ARHGAP26: variants seen among roughly 807,000 people sequenced by gnomAD.
The protein encoded by ARHGAP26 is Rho GTPase activating protein 26.
A neutral mutation model predicts 104.8 loss-of-function variants in ARHGAP26; 38 were observed. The observed-to-expected ratio is 0.36, with a 90% CI of 0.28 to 0.48. The LOEUF (loss-of-function observed/expected upper bound fraction) is 0.48, where lower values mean the gene tolerates loss of function less well. Ranked by LOEUF, ARHGAP26 falls within the 20% of genes least tolerant of loss-of-function variation. The pLI is 0.99. For synonymous variants in ARHGAP26, 341 were observed against 340.0 expected (o/e 1.00, Z -0.03); for missense variants, 704 against 947.9 (o/e 0.74, Z 3.38).
chr5:142,770,580 C>T lies in ARHGAP26; in HGVS notation c.-182C>T. The T allele has an allele frequency of 3.6e-6, 1 of 274,168 alleles. No homozygotes were observed. Among genetic ancestry groups the T allele is most frequent in the Non-Finnish European group, 5.9e-6 (1 of 168,274 alleles). 17.0% of individuals were successfully genotyped at this position (274,168 alleles called of 1,614,324 possible). Reference sequence around the variant, plus strand: ...GGAACAGCAGCACCTCGGCCGGGTCCGAGCTCGGTTCGGGAGTCTTGCGCG... The same window carrying T: ...GGAACAGCAGCACCTCGGCCGGGTCTGAGCTCGGTTCGGGAGTCTTGCGCG... On this transcript the variant is annotated 5_prime_UTR_variant, in exon 1 of 23. Coordinates refer to ENST00000645722, the MANE Select transcript of ARHGAP26 (RefSeq NM_001135608.3).
chr5:142,783,847 A>G (rs911621190), intron 1 of ARHGAP26, among the ~76,000 whole-genome samples: 4 of 152,194 alleles, frequency 2.6e-5, no homozygotes, highest in Non-Finnish European at 4.4e-5. Context: ...TGCTCTTCCA[A>G]AAATAAGGTT....
intron 1 of ARHGAP26, among the ~76,000 whole-genome samples, chr5:142,853,008 T>C (rs1187208322): frequency 1.3e-5 from 2 of 152,128 alleles, no homozygotes; most frequent in African/African-American, 4.8e-5. Flanking sequence ...AGCTTGCCTT[T>C]ATCGAGCTCC....
At chr5:143,018,891 G>A (rs532528618) in intron 12 of ARHGAP26, among the ~76,000 whole-genome samples, 26 of 152,148 alleles carry the variant, frequency 1.7e-4, no homozygotes, top group Non-Finnish European at 3.7e-4. Context: ...CTTTGCGAGT[G>A]CATTGAATCA....
At chr5:143,193,230 A>C (rs1306408704) in intron 20 of ARHGAP26, among the ~76,000 whole-genome samples, 5 of 79,472 alleles carry the variant, frequency 6.3e-5, no homozygotes, top group African/African-American at 2.2e-4. Context: ...TACAGTGCTT[A>C]TTTTCTTTTC....
At chr5:143,076,647 AC>A (rs1789075791) in intron 17 of ARHGAP26, among the ~76,000 whole-genome samples, 1 of 152,188 alleles carries the variant, frequency 6.6e-6, no homozygotes, top group Non-Finnish European at 1.5e-5. Context: ...TTTAGCATAT[AC>A]CCTTTTGAAC....
At chr5:142,838,547 T>A (rs866977705) in intron 1 of ARHGAP26, among the ~76,000 whole-genome samples, 1 of 152,246 alleles carries the variant, frequency 6.6e-6, no homozygotes, top group South Asian at 2.1e-4. Context: ...GTTGTTGAAC[T>A]TCTCTGAGTT....
intron 21 of ARHGAP26, 25 bp from the exon 22 acceptor site, chr5:143,213,972 T>G: frequency 6.7e-7 from 1 of 1,489,814 alleles, no homozygotes; most frequent in Non-Finnish European, 9.3e-7. Flanking sequence ...TCAAAAATGT[T>G]AAATAAACTC....
chr5:143,053,846 A>G (rs2398565), intron 14 of ARHGAP26, among the ~76,000 whole-genome samples: 5,945 of 152,336 alleles, frequency 0.039, 158 homozygotes, highest in South Asian at 0.12. Flanking sequence ...AAAGTTTCTC[A>G]TAGACATATC....
At chr5:142,934,915 G>A (rs1224063638) in intron 11 of ARHGAP26, among the ~76,000 whole-genome samples, 2 of 152,040 alleles carry the variant, frequency 1.3e-5, no homozygotes, top group East Asian at 1.9e-4. Context: ...ATTTTTAAAT[G>A]TTAAATTTAG....
intron 14 of ARHGAP26, among the ~76,000 whole-genome samples, chr5:143,048,302 C>T (rs912800084): frequency 2.9e-4 from 44 of 151,946 alleles, no homozygotes; most frequent in African/African-American, 1.1e-3. Context: ...ACTCTTTCAC[C>T]CACGCTGGAA....
intron 17 of ARHGAP26, among the ~76,000 whole-genome samples, chr5:143,091,201 G>C (rs145740105): frequency 6.6e-6 from 1 of 152,180 alleles, no homozygotes; most frequent in Non-Finnish European, 1.5e-5. Context: ...GAGTCCATCC[G>C]CTTTCCGCTG....
intron 11 of ARHGAP26, among the ~76,000 whole-genome samples, chr5:142,992,932 A>G (rs1775834023): frequency 6.6e-6 from 1 of 152,176 alleles, no homozygotes; most frequent in Non-Finnish European, 1.5e-5. Context: ...ACAGATGGCA[A>G]TTTACTCTTT....
chr5:143,002,329 G>C (rs1598576848), intron 11 of ARHGAP26, among the ~76,000 whole-genome samples: 2 of 148,372 alleles, frequency 1.3e-5, no homozygotes, highest in Admixed American at 1.3e-4. Flanking sequence ...AAAAGAGCAA[G>C]GTTCTCTCTT....
chr5:142,948,814 C>T (rs1050694454), intron 11 of ARHGAP26, among the ~76,000 whole-genome samples: 9 of 152,124 alleles, frequency 5.9e-5, no homozygotes, highest in African/African-American at 2.2e-4. Context: ...GGTAAGAGTA[C>T]ATTAAACAGG....
intron 11 of ARHGAP26, among the ~76,000 whole-genome samples, chr5:142,975,632 C>T (rs1229194798): frequency 1.3e-5 from 2 of 152,008 alleles, no homozygotes; most frequent in Admixed American, 6.6e-5. Flanking sequence ...TTAGATGTTT[C>T]TTGTGTGTAT....
Position 143,207,225 on chromosome 5 carries a change from C to T in ARHGAP26, c.2016C>T (p.Pro672=). ...SLPPNPSPTS[P]LSPSWPMFSA... is the part of the protein sequence containing the mutation. ...CCCCGAATCCAAGCCCAACTTCACC[C>T]CTCTCGCCATCTTGGCCCATGTTCT... The change falls in exon 21 of 23, where the codon CCC becomes CCT. Residue 672 remains proline, a synonymous_variant. Coordinates refer to ENST00000645722, the MANE Select transcript of ARHGAP26 (RefSeq NM_001135608.3). The T allele has an allele frequency of 6.2e-7, 1 of 1,614,132 alleles. No individual in the cohort carries two copies. The highest frequency in any genetic ancestry group is 1.1e-5 in the South Asian group (1 of 91,076).
At chr5:143,120,009 A>G (rs1053203041) in intron 17 of ARHGAP26, among the ~76,000 whole-genome samples, 11 of 152,192 alleles carry the variant, frequency 7.2e-5, no homozygotes, top group African/African-American at 2.4e-4. Context: ...GGTCTGTGCA[A>G]ACTGCCTATC....
At chr5:142,933,005 G>T (rs1024888637) in intron 11 of ARHGAP26, among the ~76,000 whole-genome samples, 2 of 152,236 alleles carry the variant, frequency 1.3e-5, no homozygotes, top group Admixed American at 6.5e-5. Flanking sequence ...ATCTCTTAAA[G>T]ATTTAAATAA....
At chr5:142,774,917 C>A (rs1755991382) in intron 1 of ARHGAP26, among the ~76,000 whole-genome samples, 1 of 151,950 alleles carries the variant, frequency 6.6e-6, no homozygotes, top group Non-Finnish European at 1.5e-5. Context: ...CTGGGTAGCT[C>A]ATTTCTTTTT....
Sources: gnomAD v4.1 joint callset for allele counts (sites outside exome capture counted in the v4.1 genomes callset) on GRCh38, gnomAD v4.1.1 for gene constraint, MANE v1.5 for transcripts, NCBI Gene and HGNC (gene_info 2026-07-23, HGNC 2026-07-21) for gene names.